SERPINA12: variants seen among roughly 807,000 people sequenced by gnomAD.
SERPINA12 encodes serpin family A member 12, also known as serpin A12.
SERPINA12 carries 21 observed loss-of-function variants against 25.9 expected under a neutral mutation model. That is an observed-to-expected ratio of 0.81 (90% CI 0.58 to 1.17). The LOEUF is 1.17. Ranked by LOEUF, SERPINA12 falls within the 50% of genes most tolerant of loss-of-function variation. The pLI is 0.00. For missense variants in SERPINA12, 562 were observed against 508.3 expected (o/e 1.11, Z -1.02); for synonymous variants, 220 against 196.0 (o/e 1.12, Z -1.02).
chr14:94,509,566 A>G (rs1901053171), upstream of SERPINA12, among the ~76,000 whole-genome samples: 2 of 152,076 alleles, frequency 1.3e-5, no homozygotes, highest in Admixed American at 1.3e-4. Flanking sequence ...CCCCTTTCCC[A>G]GGATCAGCCT....
intron 1 of SERPINA12, among the ~76,000 whole-genome samples, chr14:94,508,779 G>T (rs1901019889): frequency 6.6e-6 from 1 of 152,152 alleles, no homozygotes; most frequent in East Asian, 1.9e-4. Context: ...AACCACATGT[G>T]TTTCTCAATC....
intron 1 of SERPINA12, chr14:94,503,963 CA>C (rs1900839683): frequency 6.6e-6 from 1 of 152,244 alleles, no homozygotes; most frequent in Non-Finnish European, 1.5e-5. Flanking sequence ...CAAAGATGTT[CA>C]ACAAATTCTT....
At chr14:94,494,603 AC>A (rs1344722080) in intron 3 of SERPINA12, among the ~76,000 whole-genome samples, 1 of 152,100 alleles carries the variant, frequency 6.6e-6, no homozygotes, top group Admixed American at 6.5e-5. Context: ...AAGAGCAGCC[AC>A]CCTAGGGCTT....
intron 3 of SERPINA12, 107 bp downstream of exon 3, chr14:94,496,266 T>C: frequency 9.3e-7 from 1 of 1,075,096 alleles, no homozygotes; most frequent in Admixed American, 2.1e-5. Context: ...ATAAGTTTAT[T>C]ATAGAGCCCA....
At chr14:94,498,576 C>T (rs1900575501) in intron 1 of SERPINA12, 146 bp from the exon 2 acceptor site, 3 of 646,006 alleles carry the variant, frequency 4.6e-6, no homozygotes, top group African/African-American at 3.6e-5. Context: ...AGCATTTAAA[C>T]TTTATAATCA....
chr14:94,514,488 C>A (rs1300227059), intron 2 of SERPINA12, among the ~76,000 whole-genome samples: 1 of 150,262 alleles, frequency 6.7e-6, no homozygotes, highest in East Asian at 2.0e-4. Context: ...GGAGAACAAC[C>A]TTAGAACTCA....
intron 1 of SERPINA12, among the ~76,000 whole-genome samples, chr14:94,505,966 T>C (rs7151332): frequency 0.33 from 50,078 of 151,966 alleles, 9,985 homozygotes; most frequent in African/African-American, 0.57. Context: ...TGCACGTCTG[T>C]GGAGAGCAGT....
chr14:94,503,390 C>A lies in SERPINA12; in HGVS notation c.-33-4960G>T, dbSNP rs188182317. ...TAAGAAATATGTTTGAGTCCTCACT[C>A]TGTGTCAGGCACTGGGGCACTAGAG... On this transcript the variant is annotated intron_variant, in intron 1 of 4. Coordinates refer to ENST00000677451, the MANE Select transcript of SERPINA12 (RefSeq NM_001382267.1). 3.5e-6 allele frequency: 3 copies of A among 857,618 alleles called. No homozygotes were observed. In the East Asian group the frequency reaches 3.6e-4, roughly 104 times the overall value. The allele number at this position is 857,618 out of a possible 1,614,324, so 53.1% of individuals were successfully genotyped here. A position where few individuals can be genotyped will look rare whatever the true frequency, so the allele number is the denominator to read the frequency against.
upstream of SERPINA12, chr14:94,511,428 A>G: frequency 3.0e-6 from 3 of 985,418 alleles, no homozygotes; most frequent in Non-Finnish European, 3.6e-6. Context: ...CAGAAAAAAA[A>G]TATGTGGATA....
At chr14:94,491,899 G>A (rs1274615822) in intron 3 of SERPINA12, among the ~76,000 whole-genome samples, 1 of 152,206 alleles carries the variant, frequency 6.6e-6, no homozygotes, top group Admixed American at 6.5e-5. Flanking sequence ...AAGCATGGCA[G>A]TCGTGGTAAT....
intron 3 of SERPINA12, 28 bp downstream of exon 3, chr14:94,496,345 A>G: frequency 6.2e-7 from 1 of 1,613,386 alleles, no homozygotes; most frequent in Non-Finnish European, 8.5e-7. Flanking sequence ...AGAAGGAAAA[A>G]GCTGCGAGGG....
intron 2 of SERPINA12, 39 bp downstream of exon 2, chr14:94,497,725 C>G (rs765463955): frequency 6.5e-7 from 1 of 1,548,498 alleles, no homozygotes; most frequent in Non-Finnish European, 8.7e-7. Flanking sequence ...GTCTAGTGGT[C>G]ATCCTATTCT....
chr14:94,496,531 A>T lies in SERPINA12; in HGVS notation c.747T>A (p.Val249=). Residue 249 remains valine (V), a synonymous_variant, in exon 3 of 5, where the codon GTT becomes GTA. Transcript: ENST00000677451. The part of the protein sequence containing the change: ...PMMFRSGIYQ[V]GYDDKLSCTI... The stretch of plus-strand genomic sequence containing the variant: ...TGCAAGAGAGCTTATCGTCATAGCC[A>T]ACTTGGTATATGCCACTACGGAACA... 1 of 1,614,076 alleles carries T rather than the reference A, an allele frequency of 6.2e-7. No individual in the cohort carries two copies. The highest frequency in any genetic ancestry group is 1.1e-5 in the South Asian group (1 of 91,022).
intron 3 of SERPINA12, among the ~76,000 whole-genome samples, chr14:94,494,426 G>A (rs756261127): frequency 3.9e-5 from 6 of 152,220 alleles, no homozygotes; most frequent in Non-Finnish European, 7.3e-5. Context: ...GATATCTAGA[G>A]TGAGCTGCAG....
intron 3 of SERPINA12, among the ~76,000 whole-genome samples, chr14:94,495,300 C>T (rs1425410360): frequency 1.3e-5 from 2 of 151,776 alleles, no homozygotes; most frequent in African/African-American, 4.8e-5. Context: ...GATCTCCTGA[C>T]CTCGTGATCC....
intron 3 of SERPINA12, among the ~76,000 whole-genome samples, chr14:94,491,748 G>A (rs1388188459): frequency 1.3e-5 from 2 of 152,152 alleles, no homozygotes; most frequent in Admixed American, 6.5e-5. Context: ...GGGCAGGCTT[G>A]GGGAGGTTCT....
intron 3 of SERPINA12, among the ~76,000 whole-genome samples, chr14:94,491,413 G>A (rs1304366814): frequency 1.3e-5 from 2 of 152,070 alleles, no homozygotes; most frequent in Admixed American, 6.5e-5. Flanking sequence ...GTCACTGTCG[G>A]GTTTTGAACA....
At chr14:94,502,943 C>T (rs374280586) in intron 1 of SERPINA12, among the ~76,000 whole-genome samples, 52 of 152,144 alleles carry the variant, frequency 3.4e-4, no homozygotes, top group Non-Finnish European at 4.4e-5. Flanking sequence ...CTTTTCTGAG[C>T]GCCTCTTGGA....
intron 3 of SERPINA12, among the ~76,000 whole-genome samples, chr14:94,494,925 C>T (rs1313393557): frequency 6.6e-6 from 1 of 152,104 alleles, no homozygotes; most frequent in Non-Finnish European, 1.5e-5. Flanking sequence ...CTTCCACCTC[C>T]CTGGTTCCCA....
Sources: allele counts gnomAD v4.1 joint callset (sites outside exome capture counted in the v4.1 genomes callset), GRCh38; gene constraint gnomAD v4.1.1; transcripts MANE v1.5; gene names NCBI Gene and HGNC (gene_info 2026-07-23, HGNC 2026-07-21).